Variants in TSPAN11 observed in about 807,000 individuals in gnomAD.
TSPAN11 encodes the protein tetraspanin 11.
In TSPAN11, 29 loss-of-function variants were observed where a neutral mutation model predicts 32.9. The observed-to-expected ratio is 0.88, with a 90% CI of 0.66 to 1.20. TSPAN11 has a LOEUF of 1.20. Among genes scored for constraint, TSPAN11 ranks in the 50% most tolerant of loss-of-function variants. TSPAN11 has a pLI of 0.00. For missense variants in TSPAN11, 283 were observed against 329.1 expected (o/e 0.86, Z 1.08); for synonymous variants, 140 against 141.3 (o/e 0.99, Z 0.07).
At chr12:31,002,971 C>T in the TSPAN11 span, among the ~76,000 whole-genome samples, 35 of 152,268 alleles carry the variant, frequency 2.3e-4, no homozygotes, top group African/African-American at 7.9e-4. This position sits in a 1 kb window ranked among gnomAD's most constrained non-coding sequence, Gnocchi z 4.8. Context: ...GCCAGCCGCC[C>T]GGAGGCAGTT....
intron 5 of TSPAN11, 99 bp downstream of exon 5, chr12:30,979,769 C>T: frequency 8.7e-7 from 1 of 1,147,858 alleles, no homozygotes; most frequent in Non-Finnish European, 1.3e-6. Flanking sequence ...GTTACTTACC[C>T]TCTCTGAGCT....
At chr12:30,967,661 CGCACACACATTCGT>C (rs1023620227) in intron 3 of TSPAN11, among the ~76,000 whole-genome samples, 1 of 138,026 alleles carries the variant, frequency 7.2e-6, no homozygotes, top group African/African-American at 2.7e-5. Flanking sequence ...TGTGCATGCA[CGCACACACATTCGT>C]GCACACACAT....
intron 1 of TSPAN11, among the ~76,000 whole-genome samples, chr12:30,927,592 G>C (rs555058043): frequency 1.3e-5 from 2 of 152,132 alleles, no homozygotes; most frequent in African/African-American, 4.8e-5. Flanking sequence ...GCGTGGGGGT[G>C]GGGGGTGAGG....
intron 3 of TSPAN11, among the ~76,000 whole-genome samples, chr12:30,976,396 C>T (rs1437896693): frequency 1.3e-5 from 2 of 152,168 alleles, no homozygotes; most frequent in Admixed American, 6.5e-5. Context: ...CACTAGCAGC[C>T]ATCCAGCTAG....
At chr12:31,005,356 A>C in the TSPAN11 span, among the ~76,000 whole-genome samples, 2 of 152,126 alleles carry the variant, frequency 1.3e-5, no homozygotes, top group African/African-American at 2.4e-5. Context: ...ACTCCCCCAC[A>C]GTGGCCACGG....
At chr12:30,968,742 T>TA (rs1592484634) in intron 3 of TSPAN11, among the ~76,000 whole-genome samples, 1 of 152,068 alleles carries the variant, frequency 6.6e-6, no homozygotes, top group African/African-American at 2.4e-5. Flanking sequence ...AGGGGATGGA[T>TA]AAAAAAGTAA....
intron 3 of TSPAN11, among the ~76,000 whole-genome samples, chr12:30,964,631 A>G (rs1234762125): frequency 6.6e-6 from 1 of 152,134 alleles, no homozygotes; most frequent in Non-Finnish European, 1.5e-5. Context: ...TGATTCTGAA[A>G]CAGTCCCAGA....
At chr12:30,951,629 A>T (rs1016308039) in intron 1 of TSPAN11, among the ~76,000 whole-genome samples, 1 of 152,232 alleles carries the variant, frequency 6.6e-6, no homozygotes, top group African/African-American at 2.4e-5. Flanking sequence ...AGTGTAAAGC[A>T]CTTAGTTCTG....
chr12:31,016,103 C>A, the TSPAN11 span, among the ~76,000 whole-genome samples: 10 of 152,276 alleles, frequency 6.6e-5, no homozygotes, highest in East Asian at 1.3e-3. Flanking sequence ...ATAACGAGAC[C>A]ACGTCTCTAA....
intron 1 of TSPAN11, 122 bp downstream of exon 1, chr12:30,926,918 T>A: frequency 7.8e-7 from 1 of 1,281,940 alleles, no homozygotes; most frequent in Non-Finnish European, 1.0e-6. Flanking sequence ...TGTCCCGAGC[T>A]TCCCCCGGGC....
chr12:30,946,459 GA>G (rs1434118147), intron 1 of TSPAN11, among the ~76,000 whole-genome samples: 1 of 152,212 alleles, frequency 6.6e-6, no homozygotes, highest in Non-Finnish European at 1.5e-5. Context: ...CAGACCCAGA[GA>G]AAGGGTCCTG....
At chr12:30,938,594 C>T (rs929875988) in intron 1 of TSPAN11, among the ~76,000 whole-genome samples, 20 of 152,210 alleles carry the variant, frequency 1.3e-4, no homozygotes, top group African/African-American at 4.6e-4. Flanking sequence ...ATTCCAGGGG[C>T]AGCCATTCTC....
chr12:30,930,797 G>T (rs949007669), intron 1 of TSPAN11, among the ~76,000 whole-genome samples: 1 of 152,204 alleles, frequency 6.6e-6, no homozygotes, highest in African/African-American at 2.4e-5. Context: ...CGTCGGGCTG[G>T]GTAGGCCCCA....
At chr12:31,015,056 G>T in the TSPAN11 span, among the ~76,000 whole-genome samples, 1 of 152,122 alleles carries the variant, frequency 6.6e-6, no homozygotes, top group East Asian at 1.9e-4. This position sits in a 1 kb window ranked among gnomAD's most constrained non-coding sequence, Gnocchi z 4.9. Context: ...TATCCATTTT[G>T]TTACCTTTTA....
In TSPAN11 at chr12:30,996,517, CCT is replaced by C. The variant is rs948264065; in HGVS notation, c.*4603_*4604del. 3 of 152,102 alleles carry C rather than the reference CCT, an allele frequency of 2.0e-5. No homozygotes were observed. Among genetic ancestry groups the C allele is most frequent in the African/African-American group, 4.8e-5 (2 of 41,426 alleles). 9.4% of individuals were successfully genotyped at this position (152,102 alleles called of 1,614,324 possible). A position where few individuals can be genotyped will look rare whatever the true frequency, so the allele number is the denominator to read the frequency against. On this transcript the variant is annotated 3_prime_UTR_variant, in exon 8 of 8. Transcript: ENST00000546076. ...AAATTGTTCTCATTGTAAACATACC[CCT>C]GTCCTTAGCTGATCTAGGTGGAAGC...
intron 3 of TSPAN11, 88 bp downstream of exon 3, chr12:30,964,105 G>A (rs1938677935): frequency 6.9e-7 from 1 of 1,450,692 alleles, no homozygotes; most frequent in Non-Finnish European, 9.3e-7. Flanking sequence ...CCCAGCCCTG[G>A]AGTGGGAGGG....
chr12:31,011,384 T>TG, the TSPAN11 span, among the ~76,000 whole-genome samples: 1 of 152,202 alleles, frequency 6.6e-6, no homozygotes, highest in Non-Finnish European at 1.5e-5. Flanking sequence ...GGGGTGCCGC[T>TG]GGGGAGCTTC....
intron 5 of TSPAN11, among the ~76,000 whole-genome samples, chr12:30,980,813 C>G (rs1355167348): frequency 6.6e-6 from 1 of 152,182 alleles, no homozygotes; most frequent in Non-Finnish European, 1.5e-5. Flanking sequence ...AGCTCAGGAC[C>G]AGGAGGAGGC....
intron 1 of TSPAN11, among the ~76,000 whole-genome samples, chr12:30,943,611 T>TTGGCCACAGTGTGACC (rs1938210087): frequency 1.3e-5 from 2 of 152,222 alleles, no homozygotes; most frequent in African/African-American, 4.8e-5. Flanking sequence ...GCAGTGTGAC[T>TTGGCCACAGTGTGACC]TTGGCCACAG....
Sources: allele counts gnomAD v4.1 joint callset (sites outside exome capture counted in the v4.1 genomes callset), GRCh38; gene constraint gnomAD v4.1.1; non-coding constraint Gnocchi (gnomAD v3.1); transcripts MANE v1.5; gene names NCBI Gene and HGNC (gene_info 2026-07-23, HGNC 2026-07-21).